Variants in RFC2 observed in about 807,000 individuals in gnomAD.
RFC2 encodes replication factor C subunit 2, also known as A1 40 kDa subunit.
RFC2 carries 34 observed loss-of-function variants against 44.8 expected under a neutral mutation model. The observed-to-expected ratio is 0.76, with a 90% CI of 0.58 to 1.01. RFC2 has a LOEUF of 1.01. RFC2 is among the 50% of genes least tolerant of loss of function. The pLI is 0.00. For missense variants in RFC2, 400 were observed against 453.6 expected (o/e 0.88, Z 1.07); for synonymous variants, 177 against 168.9 (o/e 1.05, Z -0.37).
chr7:74,251,033 C>T (rs1231561587), intron 2 of RFC2, among the ~76,000 whole-genome samples: 3 of 152,138 alleles, frequency 2.0e-5, no homozygotes, highest in Non-Finnish European at 4.4e-5. Context: ...GTGATCCACT[C>T]GCCTTGGCCT....
chr7:74,238,962 G>A lies in RFC2; in HGVS notation c.720C>T (p.Phe240=). ...RQALNNLQST[F]SGFGFINSEN... ...CACTGTTAATGAAGCCAAATCCTGA[G>A]AAGGTGGACTGCAGGTTGTTCAGCG... The change falls in exon 8 of 11, where the codon TTC becomes TTT. Residue 240 remains phenylalanine (F), a synonymous_variant. Coordinates refer to ENST00000055077, the MANE Select transcript of RFC2 (RefSeq NM_181471.3). The surrounding 1 kb of genome is among the most constrained non-coding windows in gnomAD (Gnocchi z 4.0). The A allele has an allele frequency of 1.2e-6, 2 of 1,614,078 alleles. No individual in the cohort carries two copies. The highest frequency in any genetic ancestry group is 1.1e-5 in the South Asian group (1 of 91,082).
At position 74,249,080 on chromosome 7, in the gene RFC2, G is replaced by A. The variant is rs1360128247; in HGVS notation, c.264C>T (p.Cys88=). The change falls in exon 4 of 11, where the codon TGC becomes TGT. Residue 88 remains cysteine (C), a synonymous_variant. Coordinates refer to ENST00000055077, the MANE Select transcript of RFC2 (RefSeq NM_181471.3). ...CTGGGCCCAGCAGGGCCCGGGCCAAGCACAGAATGCTTGTGGTCTTGCCGG... is the reference window on the plus strand; with the variant it reads ...CTGGGCCCAGCAGGGCCCGGGCCAAACACAGAATGCTTGTGGTCTTGCCGG... ...PGTGKTTSIL[C]LARALLGPAL... is the part of the protein sequence containing the mutation. The A allele has an allele frequency of 2.5e-6, 4 of 1,614,002 alleles. No homozygotes were observed. In the African/African-American group the frequency reaches 5.3e-5, roughly 22 times the overall value.
rs782651209 is a variant in RFC2, at chr7:74,237,312, GC to G, written c.840+49del. 104 of 1,325,174 alleles carry G rather than the reference GC, an allele frequency of 7.8e-5. 1 individual carries two copies. The East Asian group carries it at 2.4e-3, about 31-fold the overall frequency. The allele number at this position is 1,325,174 out of a possible 1,614,324, so 82.1% of individuals were successfully genotyped here. The stretch of plus-strand genomic sequence containing the variant: ...ACCAGAAGGGCTCCCGCTCTCCTCT[GC>G]CCAAGAAGTGAGCGGTTCCTCTGCC... On this transcript the variant is annotated intron_variant, in intron 9 of 10. Transcript: ENST00000055077.
intron 5 of RFC2, among the ~76,000 whole-genome samples, chr7:74,246,053 G>A (rs1219698275): frequency 6.6e-6 from 1 of 151,902 alleles, no homozygotes; most frequent in Non-Finnish European, 1.5e-5. Context: ...AAAATCAGCT[G>A]GGCGTGGTGG....
chr7:74,248,669 G>C (rs1388550381), intron 4 of RFC2, among the ~76,000 whole-genome samples: 1 of 151,884 alleles, frequency 6.6e-6, no homozygotes, highest in East Asian at 1.9e-4. Context: ...GCCCAGCTAA[G>C]TTTTGTATTT....
At chr7:74,243,043 C>T (rs1803424118) in intron 6 of RFC2, 103 bp downstream of exon 6, 2 of 736,754 alleles carry the variant, frequency 2.7e-6, no homozygotes, top group African/African-American at 1.8e-5. Flanking sequence ...GTGATGGCAC[C>T]ACTGCACTCC....
chr7:74,254,210 G>A, intron 1 of RFC2, 61 bp downstream of exon 1: 3 of 1,278,390 alleles, frequency 2.3e-6, no homozygotes, highest in Admixed American at 3.8e-5. Flanking sequence ...CCGGAGCACG[G>A]CCCGCCACTC....
chr7:74,238,799 T>A lies in RFC2; in HGVS notation c.759+124A>T. ...GAGGACAGACGGGAGCAGGGTGGGCTCCCTGGCACCCACAAGAGCAGCTAG... is the reference window on the plus strand; with the variant it reads ...GAGGACAGACGGGAGCAGGGTGGGCACCCTGGCACCCACAAGAGCAGCTAG... On this transcript the variant is annotated intron_variant, in intron 8 of 10. Coordinates refer to ENST00000055077, the MANE Select transcript of RFC2 (RefSeq NM_181471.3). This position sits in a 1 kb window ranked among gnomAD's most constrained non-coding sequence, Gnocchi z 4.0. The A allele has an allele frequency of 6.8e-6, 5 of 730,948 alleles. No individual in the cohort carries two copies. Among genetic ancestry groups the A allele is most frequent in the Non-Finnish European group, 1.2e-5 (5 of 418,138 alleles). The allele number at this position is 730,948 out of a possible 1,614,324, so 45.3% of individuals were successfully genotyped here.
At chr7:74,239,116 G>A (rs887590892) in intron 7 of RFC2, 128 bp from the exon 8 acceptor site, 97 of 667,696 alleles carry the variant, frequency 1.5e-4, no homozygotes, top group South Asian at 1.2e-3. Flanking sequence ...TCCCACCTCC[G>A]CCTCCCAAGT....
At chr7:74,232,530 G>A (rs1204001537) in intron 10 of RFC2, among the ~76,000 whole-genome samples, 1 of 152,134 alleles carries the variant, frequency 6.6e-6, no homozygotes. Flanking sequence ...TTATATATCT[G>A]ATAAAGAACT....
Position 74,254,261 on chromosome 7 carries a change from G to A in RFC2, c.113+10C>T. On this transcript the variant is annotated intron_variant, in intron 1 of 10. Coordinates refer to ENST00000055077, the MANE Select transcript of RFC2 (RefSeq NM_181471.3). ...CAAACGCGCCCATTCTTTACGGCCT[G>A]GGACCTCACCACGGCAGTTCGTAGT... 1.3e-6 allele frequency: 2 copies of A among 1,598,228 alleles called. No individual in the cohort carries two copies.
At chr7:74,248,765 G>T (rs1226185655) in intron 4 of RFC2, among the ~76,000 whole-genome samples, 4 of 152,104 alleles carry the variant, frequency 2.6e-5, no homozygotes, top group African/African-American at 9.7e-5. Flanking sequence ...GCCTCCCAAA[G>T]TGCTGGAATT....
At chr7:74,239,011 C>T (rs782609441) in intron 7 of RFC2, 23 bp from the exon 8 acceptor site, 1 of 1,597,718 alleles carries the variant, frequency 6.3e-7, no homozygotes, top group Admixed American at 1.7e-5. Flanking sequence ...AAACACATGT[C>T]AAGGATGATT....
At chr7:74,244,887 G>A (rs1040173129) in intron 5 of RFC2, among the ~76,000 whole-genome samples, 11 of 151,792 alleles carry the variant, frequency 7.2e-5, no homozygotes, top group African/African-American at 2.4e-4. Flanking sequence ...CATTACAGCC[G>A]AGGAGTTCAA....
intron 5 of RFC2, among the ~76,000 whole-genome samples, chr7:74,244,555 G>C (rs1307216060): frequency 6.6e-6 from 1 of 151,632 alleles, no homozygotes; most frequent in Non-Finnish European, 1.5e-5. Context: ...ACTTTTAGTA[G>C]AGACGGGGTT....
intron 6 of RFC2, among the ~76,000 whole-genome samples, chr7:74,242,096 T>C (rs1164107167): frequency 6.6e-6 from 1 of 152,108 alleles, no homozygotes; most frequent in East Asian, 1.9e-4. Context: ...ACAGTAAGGT[T>C]AGAGAAAAGA....
At chr7:74,239,041 G>A in intron 7 of RFC2, 53 bp from the exon 8 acceptor site, 4 of 1,459,864 alleles carry the variant, frequency 2.7e-6, no homozygotes, top group East Asian at 2.3e-5. Context: ...ATTTCTTTTT[G>A]AGTAGAGACA....
intron 4 of RFC2, among the ~76,000 whole-genome samples, chr7:74,248,094 C>T (rs192977101): frequency 1.3e-5 from 2 of 151,872 alleles, no homozygotes; most frequent in East Asian, 1.9e-4. Flanking sequence ...CATGCCTGGC[C>T]GGCCTTCCAT....
At chr7:74,250,325 C>G (rs782454268) in intron 2 of RFC2, among the ~76,000 whole-genome samples, 4 of 152,096 alleles carry the variant, frequency 2.6e-5, no homozygotes, top group Non-Finnish European at 5.9e-5. Context: ...TGCACTCTGG[C>G]TGTCACCCAG....
Sources: gnomAD v4.1 joint callset for allele counts (sites outside exome capture counted in the v4.1 genomes callset) on GRCh38, gnomAD v4.1.1 for gene constraint, Gnocchi (gnomAD v3.1) non-coding constraint, MANE v1.5 for transcripts, NCBI Gene and HGNC (gene_info 2026-07-23, HGNC 2026-07-21) for gene names.